Variants in SDHAF3 observed in about 807,000 individuals in gnomAD.
The protein encoded by SDHAF3 is succinate dehydrogenase assembly factor 3, mitochondrial.
In SDHAF3, 18 loss-of-function variants were observed where a neutral mutation model predicts 11.5. The observed-to-expected ratio is 1.56, with a 90% CI of 1.08 to 2.32. The LOEUF is 2.32. Among genes scored for constraint, SDHAF3 ranks in the 30% most tolerant of loss-of-function variants. The pLI is 0.00. For missense variants in SDHAF3, 200 were observed against 154.4 expected (o/e 1.30, Z -1.57); for synonymous variants, 72 against 59.3 (o/e 1.21, Z -0.99).
intron 1 of SDHAF3, among the ~76,000 whole-genome samples, chr7:97,135,878 G>A (rs951341647): frequency 5.7e-4 from 86 of 151,010 alleles, no homozygotes; most frequent in African/African-American, 2.0e-3. Context: ...TAGTAGAGAC[G>A]GGGTTTCACC....
At chr7:97,154,568 T>A (rs1789274372) in intron 1 of SDHAF3, among the ~76,000 whole-genome samples, 1 of 152,346 alleles carries the variant, frequency 6.6e-6, no homozygotes, top group South Asian at 2.1e-4. Flanking sequence ...TCTCCTAGGC[T>A]GTAGTTTGTT....
chr7:97,157,697 G>A (rs1002610101), intron 1 of SDHAF3, among the ~76,000 whole-genome samples: 1 of 152,098 alleles, frequency 6.6e-6, no homozygotes, highest in African/African-American at 2.4e-5. Flanking sequence ...ATTCACAATA[G>A]CAAAGACTTG....
intron 1 of SDHAF3, among the ~76,000 whole-genome samples, chr7:97,164,858 CAT>C (rs1394012351): frequency 5.9e-5 from 9 of 151,964 alleles, no homozygotes; most frequent in Non-Finnish European, 1.0e-4. Context: ...ACTGAAGCAA[CAT>C]ATTATTATAT....
intron 1 of SDHAF3, among the ~76,000 whole-genome samples, chr7:97,138,241 C>T (rs10277944): frequency 2.6e-3 from 392 of 151,648 alleles, no homozygotes; most frequent in African/African-American, 8.9e-3. Flanking sequence ...CTCACTGCAA[C>T]GTCCGCCTCC....
In SDHAF3 at chr7:97,153,240, C is replaced by A. The variant is rs182689151; in HGVS notation, c.175-27772C>A. On this transcript the variant is annotated intron_variant, in intron 1 of 1. Coordinates refer to ENST00000432641, the MANE Select transcript of SDHAF3 (RefSeq NM_020186.3). ...TTGCAAAGGTGGTTTCTCCACTGAT[C>A]TGTGTACTCTCACCCTAGTTTTGCC... 2.2e-4 allele frequency among the ~76,000 whole-genome samples: 34 copies of A among 152,332 alleles called. No individual in the cohort carries two copies. The East Asian group carries it at 5.4e-3, about 24-fold the overall frequency.
chr7:97,144,169 T>C (rs1007798540), intron 1 of SDHAF3, among the ~76,000 whole-genome samples: 15 of 151,336 alleles, frequency 9.9e-5, no homozygotes, highest in African/African-American at 3.4e-4. Flanking sequence ...TCTTTACTCT[T>C]TTTGATGGGA....
intron 1 of SDHAF3, among the ~76,000 whole-genome samples, chr7:97,164,277 G>C (rs1789465283): frequency 6.6e-6 from 1 of 151,588 alleles, no homozygotes; most frequent in Admixed American, 6.6e-5. Flanking sequence ...ACCCAGGCTG[G>C]AGTGCGGTGA....
At chr7:97,153,655 CA>C (rs1302119876) in intron 1 of SDHAF3, among the ~76,000 whole-genome samples, 8 of 152,192 alleles carry the variant, frequency 5.3e-5, no homozygotes, top group Non-Finnish European at 1.2e-4. Flanking sequence ...TACCATTTTA[CA>C]TTTCCACCAG....
At chr7:97,128,486 A>G (rs986418932) in intron 1 of SDHAF3, among the ~76,000 whole-genome samples, 1 of 152,142 alleles carries the variant, frequency 6.6e-6, no homozygotes, top group Non-Finnish European at 1.5e-5. Flanking sequence ...TCTTTTATTT[A>G]AATGATTCAA....
chr7:97,154,227 G>T (rs1222632866), intron 1 of SDHAF3, among the ~76,000 whole-genome samples: 2 of 152,000 alleles, frequency 1.3e-5, no homozygotes, highest in Non-Finnish European at 2.9e-5. Context: ...AAAGTACATT[G>T]ATGAGTTAGA....
intron 1 of SDHAF3, among the ~76,000 whole-genome samples, chr7:97,143,960 G>T (rs992410117): frequency 6.6e-6 from 1 of 152,118 alleles, no homozygotes; most frequent in Non-Finnish European, 1.5e-5. Context: ...CAGCAGTGTA[G>T]AAGTGTCCGC....
chr7:97,162,181 C>G (rs1023481545), intron 1 of SDHAF3, among the ~76,000 whole-genome samples: 8 of 152,076 alleles, frequency 5.3e-5, no homozygotes, highest in Non-Finnish European at 1.2e-4. Flanking sequence ...TCCCTAATGA[C>G]CAGTGATGAT....
intron 1 of SDHAF3, chr7:97,136,520 T>C: frequency 1.7e-6 from 1 of 589,426 alleles, no homozygotes; most frequent in Non-Finnish European, 3.1e-6. Context: ...AACAAAATGC[T>C]ATCAAAATAT....
intron 1 of SDHAF3, among the ~76,000 whole-genome samples, chr7:97,138,521 C>G (rs74469460): frequency 6.6e-6 from 1 of 152,090 alleles, no homozygotes; most frequent in African/African-American, 2.4e-5. Context: ...TATGTATACC[C>G]ATATGAGAGA....
At chr7:97,166,185 A>G (rs1584231227) in intron 1 of SDHAF3, among the ~76,000 whole-genome samples, 1 of 152,224 alleles carries the variant, frequency 6.6e-6, no homozygotes, top group Non-Finnish European at 1.5e-5. Context: ...CAATTAACTT[A>G]GTAGTTTTTT....
At chr7:97,152,986 G>T (rs1406108245) in intron 1 of SDHAF3, among the ~76,000 whole-genome samples, 1 of 152,176 alleles carries the variant, frequency 6.6e-6, no homozygotes, top group Non-Finnish European at 1.5e-5. Context: ...TTCTTATTTT[G>T]TGGCAAATTT....
intron 1 of SDHAF3, among the ~76,000 whole-genome samples, chr7:97,174,875 A>G (rs1250021487): frequency 6.6e-6 from 1 of 152,064 alleles, no homozygotes; most frequent in Non-Finnish European, 1.5e-5. Context: ...TACTTCTGAG[A>G]CTGGCGTTGT....
At chr7:97,153,363 A>G (rs1481315908) in intron 1 of SDHAF3, among the ~76,000 whole-genome samples, 1 of 152,080 alleles carries the variant, frequency 6.6e-6, no homozygotes, top group Non-Finnish European at 1.5e-5. Context: ...TAAGTTTCCT[A>G]TGTGTCTTTT....
intron 1 of SDHAF3, among the ~76,000 whole-genome samples, chr7:97,127,571 C>T (rs557915511): frequency 6.6e-6 from 1 of 152,122 alleles, no homozygotes; most frequent in Middle Eastern, 3.4e-3. Flanking sequence ...GGCATGTCAC[C>T]TATATTTAGA....
Sources: gnomAD v4.1 joint callset for allele counts (sites outside exome capture counted in the v4.1 genomes callset) on GRCh38, gnomAD v4.1.1 for gene constraint, MANE v1.5 for transcripts, NCBI Gene and HGNC (gene_info 2026-07-23, HGNC 2026-07-21) for gene names.